The following PKD1 variants were observed in gnomAD, a reference collection of about 807,000 sequenced individuals.
PKD1 encodes the protein polycystin-1.
In PKD1, 81 loss-of-function variants were observed where a neutral mutation model predicts 361.7. That is an observed-to-expected ratio of 0.22 (90% CI 0.19 to 0.27). The LOEUF (loss-of-function observed/expected upper bound fraction) is 0.27. PKD1 is among the 10% of genes least tolerant of loss of function. PKD1 has a pLI of 1.00. For synonymous variants in PKD1, 3,615 were observed against 2,818.3 expected (o/e 1.28, Z -8.95); for missense variants, 6,399 against 6,118.3 (o/e 1.05, Z -1.53).
intron 16 of PKD1, chr16:2,107,349 T>C (rs2092376081): frequency 5.4e-6 from 2 of 373,516 alleles, no homozygotes; most frequent in South Asian, 2.2e-5. Flanking sequence ...TGAGCTGGGA[T>C]GGAACCTGCT....
chr16:2,090,316 C>T lies in PKD1; in HGVS notation c.12413G>A (p.Arg4138His), dbSNP rs1321320963. ...GACCTTGCTGAGGCCCATCCAGAGG[C>T]GCAGCCTGCGCAGGAACAACTCCAC... ...EMVELFLRRL[R>H]LWMGLSKVKE... The change falls in exon 45 of 46, where the codon CGC becomes CAC. Residue 4138 changes from arginine to histidine, a missense_variant. Coordinates refer to ENST00000262304, the MANE Select transcript of PKD1 (RefSeq NM_001009944.3). 6 of 1,611,440 alleles carry T rather than the reference C, an allele frequency of 3.7e-6. No individual in the cohort carries two copies. The highest frequency in any genetic ancestry group is 1.6e-4 in the Middle Eastern group (1 of 6,080).
Position 2,109,471 on chromosome 16 carries a change from A to G in PKD1, c.5696T>C (p.Val1899Ala). 1.2e-6 allele frequency: 2 copies of G among 1,608,826 alleles called. No individual in the cohort carries two copies. The highest frequency in any genetic ancestry group is 2.2e-5 in the East Asian group (1 of 44,826). ...AAAATGGACCAGCTGCCCGGGCGCC[A>G]CCACCTTGCTGCTGGCCCACAGCAC... ...GLVLWASSKV[V>A]APGQLVHFQI... Residue 1899 changes from valine (V) to alanine (A), a missense_variant, in exon 15 of 46, where the codon GTG becomes GCG. Coordinates refer to ENST00000262304, the MANE Select transcript of PKD1 (RefSeq NM_001009944.3).
chr16:2,116,948 G>T lies in PKD1; in HGVS notation c.1491C>A (p.Pro497=), dbSNP rs770562591. Residue 497 remains proline (P), a synonymous_variant, in exon 7 of 46, where the codon CCC becomes CCA. Coordinates refer to ENST00000262304, the MANE Select transcript of PKD1 (RefSeq NM_001009944.3). ...FSLESCQNWL[P]GEPHPATAEH... is the part of the protein sequence containing the mutation. ...CGGCTGTGGCTGGGTGTGGCTCCCC[G>T]GGCAGCCAGTTCTGGCAGCTCTCCA... is the stretch of plus-strand genomic sequence containing the variant. The T allele has an allele frequency of 8.6e-6, 13 of 1,510,226 alleles. No homozygotes were observed. Among genetic ancestry groups the T allele is most frequent in the Non-Finnish European group, 1.2e-5 (13 of 1,120,612 alleles). 93.6% of individuals were successfully genotyped at this position (1,510,226 alleles called of 1,614,324 possible).
In PKD1 at chr16:2,111,205, G is replaced by T. The variant is rs779379060; in HGVS notation, c.3962C>A (p.Pro1321Gln). ...GGTCCAGTCGAAGAGGTAGTGGGCC[G>T]GGTTCCCGGTGACGTAGGCCGTGAG... Reference protein sequence around the residue: ...ARLTAYVTGNPAHYLFDWTFG... With the variant: ...ARLTAYVTGNQAHYLFDWTFG... Residue 1321 changes from proline (P) to glutamine (Q), a missense_variant, in exon 15 of 46, where the codon CCG becomes CAG. Coordinates refer to ENST00000262304, the MANE Select transcript of PKD1 (RefSeq NM_001009944.3). 1.2e-6 allele frequency: 2 copies of T among 1,611,386 alleles called. No homozygotes were observed. The highest frequency in any genetic ancestry group is 2.2e-5 in the South Asian group (2 of 91,014).
At chr16:2,130,054 C>G (rs1220608923) in intron 1 of PKD1, among the ~76,000 whole-genome samples, 2 of 152,338 alleles carry the variant, frequency 1.3e-5, no homozygotes, top group African/African-American at 4.8e-5. Flanking sequence ...CCGGCAATCG[C>G]GTACAGGAGT....
rs944481869 is a variant in PKD1 at position 2,110,152 on chromosome 16, C to G, written c.5015G>C (p.Arg1672Thr). The G allele has an allele frequency of 2.5e-6, 4 of 1,610,190 alleles. No individual in the cohort carries two copies. In the African/African-American group the frequency reaches 5.3e-5, roughly 22 times the overall value. The stretch of plus-strand genomic sequence containing the variant: ...GCCGCTGCCGGCCAGGGCCGGGCCC[C>G]TGTCCCTCCAGGCAGTCCAGCTGTA... ...VSYSWTAWRDRGPALAGSGKG... is the reference protein window; with the variant it reads ...VSYSWTAWRDTGPALAGSGKG... Residue 1672 changes from arginine to threonine, a missense_variant, in exon 15 of 46, where the codon AGG becomes ACG. Transcript: ENST00000262304.
chr16:2,112,305 A>G (rs1326749624), intron 14 of PKD1, 35 bp downstream of exon 14: 1 of 1,567,650 alleles, frequency 6.4e-7, no homozygotes, highest in East Asian at 2.2e-5. Context: ...TCAGAGCCTG[A>G]AAGGCAGTGG....
At chr16:2,102,788 CTGCCA>C (rs1567175416) in intron 24 of PKD1, 21 bp downstream of exon 24, 1 of 1,609,792 alleles carries the variant, frequency 6.2e-7, no homozygotes, top group East Asian at 2.2e-5. Flanking sequence ...CTGCCCTGCC[CTGCCA>C]GGCTGGCCCG....
chr16:2,091,933 C>T lies in PKD1; in HGVS notation c.11412-27G>A, dbSNP rs573205764. ...TGCCGGAGAGGGGTGGCGTGGGTGC[C>T]GCACCCCAGCCCTTCCGGCACCCCG... On this transcript the variant is annotated intron_variant, in intron 40 of 45. Coordinates refer to ENST00000262304, the MANE Select transcript of PKD1 (RefSeq NM_001009944.3). 409 of 1,611,614 alleles carry T rather than the reference C, an allele frequency of 2.5e-4. 7 individuals are homozygous for T. In the South Asian group the frequency reaches 4.3e-3, roughly 17 times the overall value.
chr16:2,115,525 G>A lies in PKD1; in HGVS notation c.1950C>T (p.Ala650=), dbSNP rs781135104. ...CMPGGRWCPG[A]NICLPLDASC... ...AGGCGTCCAGCGGCAAGCAGATGTT[G>A]GCTCCAGGGCACCAGCGTCCCCCTG... Residue 650 remains alanine, a synonymous_variant, in exon 10 of 46, where the codon GCC becomes GCT. Coordinates refer to ENST00000262304, the MANE Select transcript of PKD1 (RefSeq NM_001009944.3). The A allele has an allele frequency of 1.0e-5, 16 of 1,595,548 alleles. No homozygotes were observed. In the South Asian group the frequency reaches 1.6e-4, roughly 16 times the overall value.
At chr16:2,117,301 C>T (rs541462697) in intron 6 of PKD1, among the ~76,000 whole-genome samples, 188 bp downstream of exon 6, 7 of 152,284 alleles carry the variant, frequency 4.6e-5, no homozygotes, top group Non-Finnish European at 7.4e-5. Context: ...CCGGAGGCTG[C>T]CCCCAGCTCA....
rs1239445091 is a variant in PKD1, at chr16:2,106,690, G to A, written c.7210-13C>T. 1.9e-6 allele frequency: 3 copies of A among 1,590,130 alleles called. No individual in the cohort carries two copies. Among genetic ancestry groups the A allele is most frequent in the East Asian group, 2.2e-5 (1 of 44,728 alleles). On this transcript the variant is annotated splice_polypyrimidine_tract_variant and intron_variant, in intron 17 of 45. Transcript: ENST00000262304. This position sits in a 1 kb window ranked among gnomAD's most constrained non-coding sequence, Gnocchi z 6.5. Reference sequence around the variant, plus strand: ...GTGCAGCCCACCGCTGCAGGCAGAAGGGGTGGTGAGGGGGCGCAACCCTCT... The same window carrying A: ...GTGCAGCCCACCGCTGCAGGCAGAAAGGGTGGTGAGGGGGCGCAACCCTCT...
chr16:2,112,291 G>A (rs758528500), intron 14 of PKD1, 49 bp downstream of exon 14: 53 of 1,528,378 alleles, frequency 3.5e-5, no homozygotes, highest in South Asian at 2.5e-4. Flanking sequence ...GGGGGACCCC[G>A]TGCTCAGAGC....
chr16:2,101,459 G>A (rs924420403), intron 26 of PKD1, among the ~76,000 whole-genome samples: 33 of 152,062 alleles, frequency 2.2e-4, no homozygotes, highest in African/African-American at 6.7e-4. Flanking sequence ...TGGCTGACAT[G>A]GTGAAAAATT....
rs906817220 is a variant in PKD1 at position 2,090,131 on chromosome 16, T to C, written c.12508A>G (p.Lys4170Glu). 6.3e-6 allele frequency: 10 copies of C among 1,596,884 alleles called. No homozygotes were observed. The highest frequency in any genetic ancestry group is 2.7e-5 in the African/African-American group (2 of 74,664). The change falls in exon 46 of 46, where the codon AAG becomes GAG. Residue 4170 changes from lysine (K) to glutamate (E), a missense_variant. Physicochemically the swap from Lys to Glu is moderately conservative, Grantham distance 56 (BLOSUM62 1). Coordinates refer to ENST00000262304, the MANE Select transcript of PKD1 (RefSeq NM_001009944.3). ...GGTGGGGGCACATCCGGGGATACCTTGGAGCCCCTGGAGGAGCGAGAGGGC... is the reference window on the plus strand; with the variant it reads ...GGTGGGGGCACATCCGGGGATACCTCGGAGCCCCTGGAGGAGCGAGAGGGC... The part of the protein sequence containing the change: ...PLPSRSSRGS[K>E]VSPDVPPPSA...
At position 2,097,231 on chromosome 16, in the gene PKD1, C is replaced by G. The variant is rs1395081624; in HGVS notation, c.10416G>C (p.Leu3472=). ...CCCCCTCGGCAAGGACCTGCTGGATCAGGTCTTCATCTAGAGGTACAGGAG... is the reference window on the plus strand; with the variant it reads ...CCCCCTCGGCAAGGACCTGCTGGATGAGGTCTTCATCTAGAGGTACAGGAG... The part of the protein sequence containing the change: ...AKSFSASDED[L]IQQVLAEGVS... The change falls in exon 34 of 46, where the codon CTG becomes CTC. Residue 3472 remains leucine, a synonymous_variant. Transcript: ENST00000262304. 7 of 1,584,032 alleles carry G rather than the reference C, an allele frequency of 4.4e-6. No individual in the cohort carries two copies. Among genetic ancestry groups the G allele is most frequent in the Non-Finnish European group, 6.0e-6 (7 of 1,165,194 alleles).
At chr16:2,128,854 G>A (rs375006601) in intron 1 of PKD1, among the ~76,000 whole-genome samples, 2 of 151,576 alleles carry the variant, frequency 1.3e-5, no homozygotes, top group African/African-American at 2.4e-5. Context: ...ACAGGCATGC[G>A]CCACCACGCT....
chr16:2,097,908 A>G lies in PKD1; in HGVS notation c.10127T>C (p.Leu3376Pro), dbSNP rs139792535. 73 of 1,604,150 alleles carry G rather than the reference A, an allele frequency of 4.6e-5. No individual in the cohort carries two copies. In the African/African-American group the frequency reaches 7.9e-4, roughly 17 times the overall value. The change falls in exon 31 of 46, where the codon CTG (leucine) becomes CCG (proline). Residue 3376 changes from leucine (L) to proline (P), a missense_variant. Leu to Pro is a moderately conservative substitution (Grantham distance 98). Coordinates refer to ENST00000262304, the MANE Select transcript of PKD1 (RefSeq NM_001009944.3). ...DIDSCLDSSVLDSSFLTFSGL... is the reference protein window; with the variant it reads ...DIDSCLDSSVPDSSFLTFSGL... ...TGAGAACGTGAGGAAGGAGCTGTCC[A>G]GCACGGACGAGTCCAGGCAGCTGTC...
rs202086892 is a variant in PKD1, at chr16:2,103,643, T to G, written c.8414A>C (p.His2805Pro). The change falls in exon 23 of 46, where the codon CAC becomes CCC. Residue 2805 changes from histidine (H) to proline (P), a missense_variant. Transcript: ENST00000262304. ...CYGGAPGPGC[H>P]FSIPEAFSGA... ...GCTGAAAGCCTCGGGGATGGAGAAGTGGCAGCCAGGCCCTGGGGCGCCGCC... is the reference window on the plus strand; with the variant it reads ...GCTGAAAGCCTCGGGGATGGAGAAGGGGCAGCCAGGCCCTGGGGCGCCGCC... 3.7e-6 allele frequency: 6 copies of G among 1,610,214 alleles called. No homozygotes were observed. Among genetic ancestry groups the G allele is most frequent in the Non-Finnish European group, 5.1e-6 (6 of 1,179,668 alleles).
Sources: allele counts gnomAD v4.1 joint callset (sites outside exome capture counted in the v4.1 genomes callset), GRCh38; gene constraint gnomAD v4.1.1; non-coding constraint Gnocchi (gnomAD v3.1); transcripts MANE v1.5; gene names NCBI Gene and HGNC (gene_info 2026-07-23, HGNC 2026-07-21).